UBE2N: variants seen among roughly 807,000 people sequenced by gnomAD.
UBE2N encodes the protein ubiquitin-conjugating enzyme E2 N.
For synonymous variants in UBE2N, 70 were observed against 69.2 expected (o/e 1.01, Z -0.06); for missense variants, 60 against 192.1 (o/e 0.31, Z 4.07).
chr12:93,408,870 A>T lies in UBE2N; in HGVS notation c.*1169T>A, dbSNP rs1012514607. 3 of 152,634 alleles carry T rather than the reference A, an allele frequency of 2.0e-5. No individual in the cohort carries two copies. The highest frequency in any genetic ancestry group is 4.4e-5 in the Non-Finnish European group (3 of 68,038). The allele number at this position is 152,634 out of a possible 1,614,324, so 9.5% of individuals were successfully genotyped here. On this transcript the variant is annotated 3_prime_UTR_variant, in exon 4 of 4. Coordinates refer to ENST00000318066, the MANE Select transcript of UBE2N (RefSeq NM_003348.4). ...GCCTCAGCAAATCCCAAATGATCAG[A>T]TCAGTGTTTCTTAACACACATGAAA...
At chr12:93,410,289 G>C in intron 3 of UBE2N, 1 of 528,574 alleles carries the variant, frequency 1.9e-6, no homozygotes, top group Non-Finnish European at 3.3e-6. Flanking sequence ...AGAAGTTCTA[G>C]AAAATTCAAG....
rs199553317 is a variant in UBE2N, at chr12:93,441,911, G to T, written c.-27C>A. ...TTGTCAGAACCCGAGTTCGGCCTCT[G>T]GTCTCGTCTCCGGCTCCTCTCGCCT... On this transcript the variant is annotated 5_prime_UTR_variant, in exon 1 of 4. Coordinates refer to ENST00000318066, the MANE Select transcript of UBE2N (RefSeq NM_003348.4). 1.9e-6 allele frequency: 3 copies of T among 1,569,024 alleles called. No homozygotes were observed. The highest frequency in any genetic ancestry group is 2.6e-6 in the Non-Finnish European group (3 of 1,160,308).
intron 1 of UBE2N, among the ~76,000 whole-genome samples, chr12:93,412,436 T>C (rs1224909802): frequency 1.3e-5 from 2 of 152,264 alleles, no homozygotes; most frequent in African/African-American, 4.8e-5. Context: ...CAATCGGTCT[T>C]GAGCACTAGA....
intron 1 of UBE2N, among the ~76,000 whole-genome samples, chr12:93,417,341 T>A (rs575254623): frequency 1.3e-5 from 2 of 152,346 alleles, no homozygotes; most frequent in African/African-American, 4.8e-5. Flanking sequence ...TGACATTCTG[T>A]CAACCTATCT....
chr12:93,428,618 T>C (rs1333997940), intron 1 of UBE2N, among the ~76,000 whole-genome samples: 1 of 152,208 alleles, frequency 6.6e-6, no homozygotes, highest in Admixed American at 6.5e-5. Context: ...ATATGACCAG[T>C]GTTTCTGCAA....
chr12:93,437,479 CTTCTTG>C (rs1362560036), intron 1 of UBE2N, among the ~76,000 whole-genome samples: 2 of 152,028 alleles, frequency 1.3e-5, no homozygotes, highest in African/African-American at 4.8e-5. Flanking sequence ...TTGCTCTGGT[CTTCTTG>C]TAAGGATACA....
At chr12:93,439,616 T>G (rs1358195681) in intron 1 of UBE2N, among the ~76,000 whole-genome samples, 1 of 152,220 alleles carries the variant, frequency 6.6e-6, no homozygotes, top group African/African-American at 2.4e-5. Context: ...GAAGTTTGTA[T>G]AGTGATTGAC....
chr12:93,420,484 T>C (rs1440116357), intron 1 of UBE2N, among the ~76,000 whole-genome samples: 1 of 152,222 alleles, frequency 6.6e-6, no homozygotes, highest in Non-Finnish European at 1.5e-5. Flanking sequence ...ACTTCCAGTT[T>C]CCTGTTCATT....
intron 1 of UBE2N, among the ~76,000 whole-genome samples, chr12:93,429,901 T>C (rs1297660348): frequency 6.6e-6 from 1 of 152,198 alleles, no homozygotes; most frequent in East Asian, 1.9e-4. Context: ...AGTTTAAAAA[T>C]ATAAGTTTAT....
chr12:93,433,506 T>C (rs1462523078), intron 1 of UBE2N, among the ~76,000 whole-genome samples: 1 of 152,240 alleles, frequency 6.6e-6, no homozygotes, highest in East Asian at 1.9e-4. Flanking sequence ...TTCCTTCATA[T>C]ATTACATTTG....
intron 1 of UBE2N, among the ~76,000 whole-genome samples, chr12:93,431,791 T>C (rs1878780140): frequency 1.3e-5 from 2 of 152,190 alleles, no homozygotes; most frequent in Non-Finnish European, 2.9e-5. Flanking sequence ...GAGACCCTGA[T>C]TCTATTATCC....
chr12:93,415,367 A>G (rs893086773), intron 1 of UBE2N, among the ~76,000 whole-genome samples: 2 of 152,250 alleles, frequency 1.3e-5, no homozygotes, highest in African/African-American at 4.8e-5. Flanking sequence ...AAATGTGTTA[A>G]TTAAACCCAT....
chr12:93,435,090 T>A (rs1397511528), intron 1 of UBE2N, among the ~76,000 whole-genome samples: 4 of 151,964 alleles, frequency 2.6e-5, no homozygotes, highest in Non-Finnish European at 2.9e-5. Flanking sequence ...CACCTGGAGG[T>A]ACATATATTT....
intron 3 of UBE2N, chr12:93,410,494 T>C: frequency 1.7e-6 from 1 of 603,982 alleles, no homozygotes; most frequent in Non-Finnish European, 2.9e-6. Flanking sequence ...GCACTCAGTA[T>C]TTGTTAAACC....
intron 1 of UBE2N, among the ~76,000 whole-genome samples, chr12:93,437,030 A>C (rs1878953968): frequency 6.6e-6 from 1 of 152,202 alleles, no homozygotes; most frequent in Admixed American, 6.5e-5. Context: ...TGGGAGGCCG[A>C]GGTGGAAGAA....
At chr12:93,415,714 T>TGGG (rs1878185875) in intron 1 of UBE2N, among the ~76,000 whole-genome samples, 1 of 152,138 alleles carries the variant, frequency 6.6e-6, no homozygotes, top group Admixed American at 6.5e-5. Flanking sequence ...CCCCAGGTCT[T>TGGG]CATGTTTTTA....
At chr12:93,414,004 A>T (rs1878116152) in intron 1 of UBE2N, among the ~76,000 whole-genome samples, 2 of 150,842 alleles carry the variant, frequency 1.3e-5, no homozygotes, top group South Asian at 4.2e-4. Flanking sequence ...TCTACTAAAA[A>T]TACAAAATCA....
intron 1 of UBE2N, among the ~76,000 whole-genome samples, chr12:93,440,625 G>A (rs1310536467): frequency 6.6e-6 from 1 of 152,178 alleles, no homozygotes; most frequent in African/African-American, 2.4e-5. Context: ...GAATGAGCAA[G>A]ATTAACATAC....
intron 3 of UBE2N, chr12:93,410,507 G>A (rs1030036510): frequency 3.2e-6 from 2 of 616,926 alleles, no homozygotes; most frequent in Non-Finnish European, 5.6e-6. Flanking sequence ...GTTAAACCAG[G>A]TGTAGTTACA....
Sources: allele counts gnomAD v4.1 joint callset (sites outside exome capture counted in the v4.1 genomes callset), GRCh38; gene constraint gnomAD v4.1.1; transcripts MANE v1.5; gene names NCBI Gene and HGNC (gene_info 2026-07-23, HGNC 2026-07-21).